SMTNL2: variants seen among roughly 807,000 people sequenced by gnomAD.
The protein encoded by SMTNL2 is smoothelin-like protein 2.
SMTNL2 carries 43 observed loss-of-function variants against 44.1 expected under a neutral mutation model. The ratio of observed to expected loss-of-function variants is 0.98; its 90% CI spans 0.76 to 1.26. The LOEUF (loss-of-function observed/expected upper bound fraction) is 1.26. Ranked by LOEUF, SMTNL2 falls within the 50% of genes most tolerant of loss-of-function variation. SMTNL2 has a pLI of 0.00. For missense variants in SMTNL2, 646 were observed against 670.2 expected (o/e 0.96, Z 0.40); for synonymous variants, 317 against 287.6 (o/e 1.10, Z -1.03).
At position 4,593,088 on chromosome 17, in the gene SMTNL2, T is replaced by C. The variant is rs1909650186; in HGVS notation, c.647T>C (p.Leu216Pro). ...RFSGETSAAA[L>P]SPMSAATLGG... is the part of the protein sequence containing the mutation. ...TCTGGGGAGACCTCAGCTGCGGCTC[T>C]ATCACCCATGTCTGCTGCCACCCTG... The change falls in exon 3 of 8, where the codon CTA (leucine) becomes CCA (proline). Residue 216 changes from leucine (L) to proline (P), a missense_variant. Transcript: ENST00000389313. 6.2e-7 allele frequency: 1 copy of C among 1,613,832 alleles called. No individual in the cohort carries two copies. Among genetic ancestry groups the C allele is most frequent in the South Asian group, 1.1e-5 (1 of 91,092 alleles).
chr17:4,605,985 C>A (rs1338634689), intron 7 of SMTNL2, among the ~76,000 whole-genome samples: 1 of 152,210 alleles, frequency 6.6e-6, no homozygotes, highest in Non-Finnish European at 1.5e-5. Flanking sequence ...CCTTCAGCCT[C>A]CCTCTGAGCC....
Position 4,593,903 on chromosome 17 carries a change from T to G in SMTNL2, c.806+6T>G. 8 of 1,613,770 alleles carry G rather than the reference T, an allele frequency of 5.0e-6. No individual in the cohort carries two copies. The highest frequency in any genetic ancestry group is 6.8e-6 in the Non-Finnish European group (8 of 1,179,890). On this transcript the variant is annotated splice_donor_region_variant and intron_variant, in intron 4 of 7. Transcript: ENST00000389313. Reference sequence around the variant, plus strand: ...GCAAGCAAACACAGCAATAGGTGAGTCAGGGCCTGTGTTCCTGTGGGGTCG... The same window carrying G: ...GCAAGCAAACACAGCAATAGGTGAGGCAGGGCCTGTGTTCCTGTGGGGTCG...
At chr17:4,604,171 C>G (rs1357638338) in intron 7 of SMTNL2, among the ~76,000 whole-genome samples, 1 of 152,124 alleles carries the variant, frequency 6.6e-6, no homozygotes, top group East Asian at 1.9e-4. Flanking sequence ...AATGCTTTAT[C>G]ATCGACAAAG....
rs886070068 is a variant in SMTNL2 at position 4,584,819 on chromosome 17, G to C, written c.214G>C (p.Ala72Pro). Residue 72 changes from alanine to proline, a missense_variant, in exon 1 of 8, where the codon GCG becomes CCG. Ala to Pro is a conservative substitution (Grantham distance 27). Transcript: ENST00000389313. Reference sequence around the variant, plus strand: ...GCAGCGGGACAACCAGCGGCTGCAGGCGCAGCTCGAGCGCCTGACGCGCCA... The same window carrying C: ...GCAGCGGGACAACCAGCGGCTGCAGCCGCAGCTCGAGCGCCTGACGCGCCA... ...DLQRDNQRLQ[A>P]QLERLTRQVE... The C allele has an allele frequency of 1.5e-6, 2 of 1,327,586 alleles. No homozygotes were observed. Among genetic ancestry groups the C allele is most frequent in the African/African-American group, 3.1e-5 (2 of 64,818 alleles). The allele number at this position is 1,327,586 out of a possible 1,614,324, so 82.2% of individuals were successfully genotyped here. A position where few individuals can be genotyped will look rare whatever the true frequency, so the allele number is the denominator to read the frequency against.
intron 1 of SMTNL2, among the ~76,000 whole-genome samples, chr17:4,587,556 G>C (rs1256913556): frequency 1.3e-5 from 2 of 152,180 alleles, no homozygotes; most frequent in East Asian, 3.9e-4. Context: ...CCCCACACCA[G>C]GCTGCTGGGT....
rs533205748 is a variant in SMTNL2, at chr17:4,596,236, G to T, written c.990-624G>T. On this transcript the variant is annotated intron_variant, in intron 5 of 7. Transcript: ENST00000389313. ...GTGTGCAGAGTGTGGCCCAAGCGTG[G>T]TATTGATGCCTGCTGTGTGCAGGGT... Among the ~76,000 whole-genome samples the T allele has an allele frequency of 7.9e-5, 12 of 152,198 alleles. 1 individual carries two copies. In the East Asian group the frequency reaches 2.3e-3, roughly 29 times the overall value.
In SMTNL2 at chr17:4,600,077, A is replaced by G. The variant is rs1042426643; in HGVS notation, c.1259+2754A>G. 2.0e-5 allele frequency among the ~76,000 whole-genome samples: 3 copies of G among 152,128 alleles called. No homozygotes were observed. Among genetic ancestry groups the G allele is most frequent in the African/African-American group, 7.2e-5 (3 of 41,388 alleles). On this transcript the variant is annotated intron_variant, in intron 7 of 7. Transcript: ENST00000389313. This position sits in a 1 kb window ranked among gnomAD's most constrained non-coding sequence, Gnocchi z 4.7. ...GGGGGAGTTTGCTCAGAGCCTGGGA[A>G]GAGGCCTCCCCTCATGACTCATCCG...
chr17:4,593,859 TG>T lies in SMTNL2; in HGVS notation c.770del (p.Gly257AlafsTer5). On this transcript the variant is annotated frameshift_variant, in exon 4 of 8. Transcript: ENST00000389313. LOFTEE classifies it high-confidence loss of function. ...SSFTWSVPSSGYGAVTASKHS... is the reference protein window; with the variant it reads ...SSFTWSVPSSXYGAVTASKHS... ...CTTTCACGTGGTCTGTGCCAAGCTC[TG>T]GCTATGGGGCAGTGACAGCAAGCAA... 1.2e-6 allele frequency: 2 copies of T among 1,614,090 alleles called. No individual in the cohort carries two copies. Among genetic ancestry groups the T allele is most frequent in the Non-Finnish European group, 1.7e-6 (2 of 1,180,006 alleles).
In SMTNL2 at chr17:4,595,149, C is replaced by T. The variant is rs1408815723; in HGVS notation, c.811C>T (p.Pro271Ser). Reference sequence around the variant, plus strand: ...ACTCGGCGATTCTTTCCTCAGCCCACCGCTGGTGACACCACCCCAGTCGCC... The same window carrying T: ...ACTCGGCGATTCTTTCCTCAGCCCATCGCTGGTGACACCACCCCAGTCGCC... ...VTASKHSNSP[P>S]LVTPPQSPVS... Residue 271 changes from proline to serine, a missense_variant, in exon 5 of 8, where the codon CCG becomes TCG. Physicochemically the swap from Pro to Ser is moderately conservative, Grantham distance 74. Coordinates refer to ENST00000389313, the MANE Select transcript of SMTNL2 (RefSeq NM_001114974.2). The surrounding 1 kb of genome is among the most constrained non-coding windows in gnomAD (Gnocchi z 5.1). 6.2e-7 allele frequency: 1 copy of T among 1,613,070 alleles called. No individual in the cohort carries two copies. The highest frequency in any genetic ancestry group is 8.5e-7 in the Non-Finnish European group (1 of 1,180,014).
intron 1 of SMTNL2, among the ~76,000 whole-genome samples, chr17:4,591,247 G>A (rs1567632618): frequency 6.6e-6 from 1 of 152,226 alleles, no homozygotes; most frequent in Non-Finnish European, 1.5e-5. Flanking sequence ...GCCATCTGGG[G>A]CCAGGGATGC....
At chr17:4,588,371 G>A (rs1011560792) in intron 1 of SMTNL2, among the ~76,000 whole-genome samples, 1 of 152,174 alleles carries the variant, frequency 6.6e-6, no homozygotes, top group Admixed American at 6.5e-5. Flanking sequence ...CTCAGGCCTG[G>A]GCTCCCTCAT....
At chr17:4,591,395 G>T (rs1360472440) in intron 1 of SMTNL2, among the ~76,000 whole-genome samples, 1 of 152,196 alleles carries the variant, frequency 6.6e-6, no homozygotes, top group East Asian at 1.9e-4. Context: ...ACACGCCCTG[G>T]CTGTGAGGAG....
At position 4,598,545 on chromosome 17, in the gene SMTNL2, C is replaced by T. The variant is rs778429083; in HGVS notation, c.1259+1222C>T. On this transcript the variant is annotated intron_variant, in intron 7 of 7. Transcript: ENST00000389313. This position sits in a 1 kb window ranked among gnomAD's most constrained non-coding sequence, Gnocchi z 4.8. ...CCCACATTTAAGAGTGGTCCTTGGC[C>T]GGGCACGGTGGCTCCCACCTGTAAT... Among the ~76,000 whole-genome samples, 10 of 152,160 alleles carry T rather than the reference C, an allele frequency of 6.6e-5. No homozygotes were observed. Among genetic ancestry groups the T allele is most frequent in the African/African-American group, 1.4e-4 (6 of 41,438 alleles).
intron 5 of SMTNL2, 147 bp from the exon 6 acceptor site, chr17:4,596,713 C>T (rs1909829171): frequency 3.3e-6 from 2 of 610,742 alleles, no homozygotes; most frequent in Non-Finnish European, 2.6e-6. Flanking sequence ...GCTGAGCCCA[C>T]GTGTGCCACC....
At chr17:4,601,837 C>G (rs1597417327) in intron 7 of SMTNL2, among the ~76,000 whole-genome samples, 1 of 152,210 alleles carries the variant, frequency 6.6e-6, no homozygotes. Context: ...ATCATTAAAA[C>G]AAACCTGTAT....
rs1184447084 is a variant in SMTNL2, at chr17:4,599,945, G to C, written c.1259+2622G>C. On this transcript the variant is annotated intron_variant, in intron 7 of 7. Coordinates refer to ENST00000389313, the MANE Select transcript of SMTNL2 (RefSeq NM_001114974.2). ...GCCTGGGCCTGCTCCAGCTGTGGAG[G>C]GGGCAGGGAGGATGGGTCTGATGAA... 3.3e-5 allele frequency among the ~76,000 whole-genome samples: 5 copies of C among 152,242 alleles called. No individual in the cohort carries two copies. In the East Asian group the frequency reaches 9.6e-4, roughly 29 times the overall value.
intron 1 of SMTNL2, among the ~76,000 whole-genome samples, chr17:4,588,603 T>G (rs1026010455): frequency 2.0e-5 from 3 of 152,206 alleles, no homozygotes; most frequent in African/African-American, 7.2e-5. Context: ...GGACAGCTCG[T>G]TCCAGCCCAG....
In SMTNL2 at chr17:4,607,456, C is replaced by T. The variant is rs1910324616; in HGVS notation, c.1355C>T (p.Ser452Leu). 3.7e-6 allele frequency: 6 copies of T among 1,614,176 alleles called. No individual in the cohort carries two copies. The Admixed American group carries it at 6.7e-5, about 18-fold the overall frequency. ...DPMCVFTYVQ[S>L]LYNHLRRFE is the part of the protein sequence containing the mutation. The stretch of plus-strand genomic sequence containing the variant: ...ATGTGTGTCTTCACCTACGTCCAGT[C>T]GCTGTACAACCACCTGCGTCGCTTC... Residue 452 changes from serine to leucine, a missense_variant, in exon 8 of 8, where the codon TCG becomes TTG. Coordinates refer to ENST00000389313, the MANE Select transcript of SMTNL2 (RefSeq NM_001114974.2). This position sits in a 1 kb window ranked among gnomAD's most constrained non-coding sequence, Gnocchi z 4.7.
chr17:4,601,330 G>A (rs868649302), intron 7 of SMTNL2, among the ~76,000 whole-genome samples: 8 of 151,876 alleles, frequency 5.3e-5, no homozygotes, highest in South Asian at 2.1e-4. Flanking sequence ...TGGGAGGATC[G>A]TTTGAGCCCG....
Sources: allele counts gnomAD v4.1 joint callset (sites outside exome capture counted in the v4.1 genomes callset), GRCh38; gene constraint gnomAD v4.1.1; non-coding constraint Gnocchi (gnomAD v3.1); transcripts MANE v1.5; gene names NCBI Gene and HGNC (gene_info 2026-07-23, HGNC 2026-07-21).